MALRD1: variants seen among roughly 807,000 people sequenced by gnomAD.
MALRD1 encodes the protein MAM and LDL receptor class A domain containing 1.
In MALRD1, 247 loss-of-function variants were observed where a neutral mutation model predicts 242.1. That is an observed-to-expected ratio of 1.02 (90% CI 0.92 to 1.13). MALRD1 has a LOEUF of 1.13. MALRD1 is among the 50% of genes most tolerant of loss of function. The pLI is 0.00. For missense variants in MALRD1, 2,989 were observed against 2,533.1 expected, an observed-to-expected ratio of 1.18 and a Z score of -3.86; for synonymous variants, 995 against 866.6, an observed-to-expected ratio of 1.15 and a Z score of -2.60.
chr10:19,204,280 C>T (rs774564032), intron 15 of MALRD1, 28 bp from the exon 16 acceptor site: 18 of 1,008,122 alleles, frequency 1.8e-5, no homozygotes, highest in East Asian at 8.4e-5. Flanking sequence ...GTTAATGAAG[C>T]GTTTTTTTTT....
At position 19,382,317 on chromosome 10, in the gene MALRD1, C is replaced by T. The variant is rs1845870143; in HGVS notation, c.4442-5211C>T. Reference sequence around the variant, plus strand: ...TGTAGTGTGATGCATGGGATGACATCTGATATTATTTGATAGATGGAAGCG... The same window carrying T: ...TGTAGTGTGATGCATGGGATGACATTTGATATTATTTGATAGATGGAAGCG... On this transcript the variant is annotated intron_variant, in intron 26 of 39. Transcript: ENST00000454679. Among the ~76,000 whole-genome samples, 3 of 151,306 alleles carry T rather than the reference C, an allele frequency of 2.0e-5. No individual in the cohort carries two copies. The South Asian group carries it at 6.3e-4, about 32-fold the overall frequency.
In MALRD1 at chr10:19,718,528, C is replaced by T. The variant is rs189580572; in HGVS notation, c.6315-12178C>T. 8.9e-4 allele frequency among the ~76,000 whole-genome samples: 136 copies of T among 152,280 alleles called. 4 individuals carry two copies. Among genetic ancestry groups the T allele is most frequent in the Admixed American group, 8.0e-3 (123 of 15,300 alleles). ...TCACCTAGGCGATGTGGCGCTAAGCCTTTCCTGGGGATCTGCCCCCATGAT... is the reference window on the plus strand; with the variant it reads ...TCACCTAGGCGATGTGGCGCTAAGCTTTTCCTGGGGATCTGCCCCCATGAT... On this transcript the variant is annotated intron_variant, in intron 38 of 39. Coordinates refer to ENST00000454679, the MANE Select transcript of MALRD1 (RefSeq NM_001142308.3).
At chr10:19,504,957 C>T (rs575417907) in intron 31 of MALRD1, among the ~76,000 whole-genome samples, 1 of 152,022 alleles carries the variant, frequency 6.6e-6, no homozygotes, top group Non-Finnish European at 1.5e-5. Flanking sequence ...GCTGGGATTA[C>T]AGGCGTGAGC....
At chr10:19,727,216 T>C (rs1338679822) in intron 38 of MALRD1, among the ~76,000 whole-genome samples, 1 of 152,212 alleles carries the variant, frequency 6.6e-6, no homozygotes, top group African/African-American at 2.4e-5. Flanking sequence ...ATAAAGCTGT[T>C]AAAAATAAAA....
chr10:19,513,691 A>G (rs1185030653), intron 31 of MALRD1, among the ~76,000 whole-genome samples: 1 of 151,964 alleles, frequency 6.6e-6, no homozygotes, highest in Non-Finnish European at 1.5e-5. Context: ...GTGAGCTGAG[A>G]TTGGGCCACT....
At chr10:19,577,993 G>C (rs1474542467) in intron 33 of MALRD1, among the ~76,000 whole-genome samples, 1 of 152,098 alleles carries the variant, frequency 6.6e-6, no homozygotes, top group East Asian at 1.9e-4. Context: ...TGGGCTATGA[G>C]AGGCTACATT....
intron 12 of MALRD1, among the ~76,000 whole-genome samples, chr10:19,155,435 C>T (rs185600959): frequency 6.6e-6 from 1 of 152,240 alleles, no homozygotes; most frequent in Non-Finnish European, 1.5e-5. Flanking sequence ...TAATCTAAAG[C>T]TGTGGATACG....
chr10:19,209,254 C>T lies in MALRD1; in HGVS notation c.2579-14C>T. 1.3e-6 allele frequency: 2 copies of T among 1,490,528 alleles called. No homozygotes were observed. The highest frequency in any genetic ancestry group is 1.8e-6 in the Non-Finnish European group (2 of 1,123,360). 92.3% of individuals were successfully genotyped at this position (1,490,528 alleles called of 1,614,324 possible). A position where few individuals can be genotyped will look rare whatever the true frequency, so the allele number is the denominator to read the frequency against. ...CCCTAATTATCTTTTGCTTTTATTT[C>T]ATGTGAATTTCAGCACCTGAGCTGC... On this transcript the variant is annotated splice_polypyrimidine_tract_variant and intron_variant, in intron 17 of 39. Transcript: ENST00000454679.
intron 10 of MALRD1, among the ~76,000 whole-genome samples, chr10:19,145,962 C>T (rs1214599554): frequency 5.3e-5 from 8 of 151,984 alleles, no homozygotes; most frequent in Admixed American, 3.3e-4. Flanking sequence ...AGATGGCCAA[C>T]CAGAATGAAA....
chr10:19,221,689 C>A (rs1028153725), intron 18 of MALRD1, among the ~76,000 whole-genome samples: 1 of 151,958 alleles, frequency 6.6e-6, no homozygotes, highest in Non-Finnish European at 1.5e-5. Flanking sequence ...TATTAAAGTC[C>A]TGTTAGACTT....
chr10:19,187,844 A>G (rs1009858148), intron 14 of MALRD1, among the ~76,000 whole-genome samples: 5 of 152,160 alleles, frequency 3.3e-5, no homozygotes, highest in African/African-American at 1.2e-4. Flanking sequence ...AAAACTACCT[A>G]TTGGGTACTG....
At chr10:19,687,953 GTTATGTT>G (rs1411832044) in intron 36 of MALRD1, among the ~76,000 whole-genome samples, 1 of 150,582 alleles carries the variant, frequency 6.6e-6, no homozygotes, top group Non-Finnish European at 1.5e-5. Flanking sequence ...GTTATGTTAT[GTTATGTT>G]ATGTTATGTT....
intron 33 of MALRD1, among the ~76,000 whole-genome samples, chr10:19,569,616 G>A (rs1836417586): frequency 6.8e-6 from 1 of 147,468 alleles, no homozygotes. Context: ...TCTTTGCTCT[G>A]TCTTTTATAT....
intron 28 of MALRD1, among the ~76,000 whole-genome samples, chr10:19,391,660 G>A (rs995065595): frequency 4.6e-5 from 7 of 152,098 alleles, no homozygotes; most frequent in Admixed American, 3.3e-4. Flanking sequence ...GGGAAGACTC[G>A]ACCTTTTGCA....
chr10:19,565,831 A>G (rs540783961), intron 32 of MALRD1, among the ~76,000 whole-genome samples: 8 of 152,200 alleles, frequency 5.3e-5, no homozygotes, highest in African/African-American at 1.9e-4. Flanking sequence ...AAAATGTCCA[A>G]CTTGATATTA....
intron 28 of MALRD1, among the ~76,000 whole-genome samples, chr10:19,391,697 G>A (rs1275496967): frequency 6.6e-6 from 1 of 152,106 alleles, no homozygotes; most frequent in Non-Finnish European, 1.5e-5. Context: ...CATTTGCCTA[G>A]CCTCCCACAA....
intron 17 of MALRD1, among the ~76,000 whole-genome samples, chr10:19,208,738 A>T (rs1014873749): frequency 1.3e-5 from 2 of 152,174 alleles, no homozygotes; most frequent in Non-Finnish European, 2.9e-5. Context: ...GTGATTCTTA[A>T]CACATGATTG....
chr10:19,371,402 A>C (rs1033337821), intron 26 of MALRD1, among the ~76,000 whole-genome samples: 1 of 152,208 alleles, frequency 6.6e-6, no homozygotes, highest in Non-Finnish European at 1.5e-5. Flanking sequence ...CAATATCCTA[A>C]GAGATTTTAT....
intron 36 of MALRD1, among the ~76,000 whole-genome samples, chr10:19,645,144 G>T (rs965963028): frequency 1.3e-5 from 2 of 152,028 alleles, no homozygotes; most frequent in African/African-American, 4.8e-5. Context: ...AAATGGATAG[G>T]ACATCAGAGA....
Sources: allele counts gnomAD v4.1 joint callset (sites outside exome capture counted in the v4.1 genomes callset), GRCh38; gene constraint gnomAD v4.1.1; transcripts MANE v1.5; gene names NCBI Gene and HGNC (gene_info 2026-07-23, HGNC 2026-07-21).